LRRC17: variants seen among roughly 807,000 people sequenced by gnomAD.
LRRC17 encodes leucine-rich repeat-containing protein 17.
LRRC17 carries 33 observed loss-of-function variants against 41.5 expected under a neutral mutation model. The observed-to-expected ratio is 0.80, with a 90% CI of 0.60 to 1.06. The LOEUF (loss-of-function observed/expected upper bound fraction) is 1.06, where lower values mean the gene tolerates loss of function less well. Among genes scored for constraint, LRRC17 ranks in the 50% least tolerant of loss-of-function variants. The pLI is 0.00. For missense variants in LRRC17, 491 were observed against 519.3 expected (o/e 0.95, Z 0.53); for synonymous variants, 192 against 197.0 (o/e 0.97, Z 0.21).
chr7:102,927,340 T>C (rs953485878), intron 1 of LRRC17, among the ~76,000 whole-genome samples: 1 of 152,186 alleles, frequency 6.6e-6, no homozygotes, highest in African/African-American at 2.4e-5. Flanking sequence ...TGCAGGTATC[T>C]ATCTGTCTGG....
At chr7:102,927,558 G>C (rs1818362100) in intron 1 of LRRC17, among the ~76,000 whole-genome samples, 1 of 152,184 alleles carries the variant, frequency 6.6e-6, no homozygotes, top group African/African-American at 2.4e-5. Flanking sequence ...GTCACACTCA[G>C]ATAGGAATTG....
intron 1 of LRRC17, 100 bp downstream of exon 1, chr7:102,913,245 ATTATAC>A: frequency 1.2e-6 from 2 of 1,613,382 alleles, no homozygotes; most frequent in Non-Finnish European, 1.7e-6. Flanking sequence ...GAAGGAAAGT[ATTATAC>A]TTCCGTTGTT....
At position 102,944,602 on chromosome 7, in the gene LRRC17, G is replaced by C. The variant is rs745479636; in HGVS notation, c.1321G>C (p.Gly441Arg). Residue 441 changes from glycine to arginine, a missense_variant, in exon 4 of 4, where the codon GGA (glycine) becomes CGA (arginine). Coordinates refer to ENST00000339431, the MANE Select transcript of LRRC17 (RefSeq NM_001031692.3). ...KKQSVIITIV[G>R] is the part of the protein sequence containing the mutation. ...GCAAAGCGTAATAATTACTATAGTA[G>C]GATAAGGTAGAAATTGTTCTGATTG... 1.3e-6 allele frequency: 2 copies of C among 1,592,630 alleles called. No individual in the cohort carries two copies. Among genetic ancestry groups the C allele is most frequent in the Non-Finnish European group, 1.7e-6 (2 of 1,172,818 alleles).
intron 3 of LRRC17, chr7:102,942,170 A>T: frequency 1.5e-6 from 1 of 653,662 alleles, no homozygotes; most frequent in Non-Finnish European, 2.7e-6. Context: ...TTTACTGAGC[A>T]CCTACCAAAT....
intron 1 of LRRC17, among the ~76,000 whole-genome samples, chr7:102,930,588 C>G (rs1478822036): frequency 6.6e-6 from 1 of 152,174 alleles, no homozygotes; most frequent in Non-Finnish European, 1.5e-5. Context: ...ATTGTTCAGT[C>G]CTTTTCTTAC....
chr7:102,929,362 G>A (rs974986138), intron 1 of LRRC17, among the ~76,000 whole-genome samples: 1 of 152,086 alleles, frequency 6.6e-6, no homozygotes, highest in Non-Finnish European at 1.5e-5. Flanking sequence ...CTCAGAAGAG[G>A]GAGAAATTAA....
rs368332401 is a variant in LRRC17, at chr7:102,934,336, C to G, written c.423C>G (p.Ile141Met). ...CCCTCTTACTGCAGCACAACCAGAT[C>G]AAAGTCTTGACGGAGGAAGTGTTCA... The part of the protein sequence containing the change: ...LTTLLLQHNQ[I>M]KVLTEEVFIY... The change falls in exon 2 of 4, where the codon ATC (isoleucine) becomes ATG (methionine). Residue 141 changes from isoleucine (I) to methionine (M), a missense_variant. Coordinates refer to ENST00000339431, the MANE Select transcript of LRRC17 (RefSeq NM_001031692.3). 3.1e-5 allele frequency: 50 copies of G among 1,614,118 alleles called. No individual in the cohort carries two copies. The highest frequency in any genetic ancestry group is 4.1e-5 in the Non-Finnish European group (48 of 1,179,996).
At chr7:102,918,976 A>G (rs1271394435) in intron 1 of LRRC17, among the ~76,000 whole-genome samples, 1 of 152,198 alleles carries the variant, frequency 6.6e-6, no homozygotes, top group Non-Finnish European at 1.5e-5. Context: ...AGTGGTATTC[A>G]ATATTACAGG....
rs757883349 is a variant in LRRC17, at chr7:102,913,107, CA to C, written c.-178del. On this transcript the variant is annotated 5_prime_UTR_variant, in exon 1 of 4. The change abolishes the stop of an existing upstream ORF in the 5' untranslated region. Coordinates refer to ENST00000339431, the MANE Select transcript of LRRC17 (RefSeq NM_001031692.3). The stretch of plus-strand genomic sequence containing the variant: ...AAACCTGGGTGCAGCCAGAGAGGTC[CA>C]GATAGATGAGCTTGTGGCATCCATT... The C allele has an allele frequency of 6.8e-6, 11 of 1,614,018 alleles. No homozygotes were observed. The highest frequency in any genetic ancestry group is 9.3e-6 in the Non-Finnish European group (11 of 1,180,034).
At chr7:102,931,055 AC>A (rs1373355290) in intron 1 of LRRC17, among the ~76,000 whole-genome samples, 4 of 152,198 alleles carry the variant, frequency 2.6e-5, no homozygotes, top group Non-Finnish European at 4.4e-5. Context: ...GCAGCAGTGA[AC>A]CCAGCCCTGG....
At chr7:102,935,923 C>T (rs1014774931) in intron 2 of LRRC17, among the ~76,000 whole-genome samples, 5 of 152,136 alleles carry the variant, frequency 3.3e-5, no homozygotes, top group Non-Finnish European at 7.4e-5. Context: ...TGGCTCCTCT[C>T]GAGAGAATGT....
chr7:102,925,465 TCTC>T (rs1817946044), intron 1 of LRRC17, among the ~76,000 whole-genome samples: 1 of 152,042 alleles, frequency 6.6e-6, no homozygotes, highest in Admixed American at 6.6e-5. Context: ...TTCTGTCCCT[TCTC>T]CTCCAAAAAA....
rs1207913411 is a variant in LRRC17 at position 102,944,439 on chromosome 7, A to C, written c.1158A>C (p.Gly386=). Residue 386 remains glycine (G), a synonymous_variant, in exon 4 of 4, where the codon GGA becomes GGC. Transcript: ENST00000339431. ...LECKTPEEYK[G]WSVGKYIRSY... is the part of the protein sequence containing the mutation. ...GCAAAACGCCTGAAGAATACAAAGG[A>C]TGGTCTGTGGGAAAATATATTAGAA... The C allele has an allele frequency of 1.9e-6, 3 of 1,614,086 alleles. No individual in the cohort carries two copies. Among genetic ancestry groups the C allele is most frequent in the Non-Finnish European group, 2.5e-6 (3 of 1,179,966 alleles).
At chr7:102,914,537 C>T (rs962179777) in intron 1 of LRRC17, among the ~76,000 whole-genome samples, 1 of 152,246 alleles carries the variant, frequency 6.6e-6, no homozygotes. Flanking sequence ...CAAAATCACA[C>T]AGGTGAATAA....
chr7:102,925,079 C>T (rs545731671), intron 1 of LRRC17, among the ~76,000 whole-genome samples: 1 of 152,330 alleles, frequency 6.6e-6, no homozygotes, highest in South Asian at 2.1e-4. Context: ...ATCATATACC[C>T]TTCCTAACTG....
chr7:102,935,312 C>T (rs1379885612), intron 2 of LRRC17, among the ~76,000 whole-genome samples: 9 of 121,108 alleles, frequency 7.4e-5, no homozygotes, highest in Admixed American at 2.4e-4. Context: ...AGTGCAGTGG[C>T]GCAATCTTGG....
chr7:102,932,265 AT>A (rs1819328813), intron 1 of LRRC17, among the ~76,000 whole-genome samples: 1 of 152,096 alleles, frequency 6.6e-6, no homozygotes, highest in Non-Finnish European at 1.5e-5. Flanking sequence ...CTGCTTTTTT[AT>A]TTTTTTGTTT....
intron 1 of LRRC17, among the ~76,000 whole-genome samples, chr7:102,921,120 C>T (rs1286271814): frequency 6.6e-6 from 1 of 152,150 alleles, no homozygotes; most frequent in Admixed American, 6.6e-5. Context: ...TCATTGCACT[C>T]CAGCCTGGGC....
At chr7:102,924,264 T>C (rs1205245246) in intron 1 of LRRC17, among the ~76,000 whole-genome samples, 4 of 150,686 alleles carry the variant, frequency 2.7e-5, no homozygotes, top group Non-Finnish European at 4.4e-5. Context: ...AAAGTAAAAC[T>C]ATGCTTAGCT....
Sources: gnomAD v4.1 joint callset for allele counts (sites outside exome capture counted in the v4.1 genomes callset) on GRCh38, gnomAD v4.1.1 for gene constraint, MANE v1.5 for transcripts, NCBI Gene and HGNC (gene_info 2026-07-23, HGNC 2026-07-21) for gene names.